The following TRIM4 variants were observed in gnomAD, a reference collection of about 807,000 sequenced individuals.
TRIM4 encodes the protein tripartite motif containing 4.
Under a neutral mutation model 33.7 loss-of-function variants are expected in TRIM4, and 29 were observed. The observed-to-expected ratio is 0.86, with a 90% CI of 0.64 to 1.17. TRIM4 has a LOEUF of 1.17. Among genes scored for constraint, TRIM4 ranks in the 50% most tolerant of loss-of-function variants. TRIM4 has a pLI of 0.00. For synonymous variants in TRIM4, 224 were observed against 233.0 expected, an observed-to-expected ratio of 0.96 and a Z score of 0.35; for missense variants, 554 against 593.7, an observed-to-expected ratio of 0.93 and a Z score of 0.69.
intron 1 of TRIM4, among the ~76,000 whole-genome samples, chr7:99,913,421 C>T (rs1436352608): frequency 6.6e-6 from 1 of 152,182 alleles, no homozygotes; most frequent in African/African-American, 2.4e-5. Context: ...GTAATCCCAG[C>T]ACTTTGGGAG....
At chr7:99,904,609 T>C (rs1017192105) in intron 3 of TRIM4, among the ~76,000 whole-genome samples, 1 of 152,176 alleles carries the variant, frequency 6.6e-6, no homozygotes, top group Non-Finnish European at 1.5e-5. Flanking sequence ...TAGGGGAAAC[T>C]GGGTGAAGGG....
In TRIM4 at chr7:99,909,157, T is replaced by TGC. The variant is rs1554452963; in HGVS notation, c.490-347_490-346dup. Among the ~76,000 whole-genome samples the TGC allele has an allele frequency of 3.2e-4, 48 of 150,832 alleles. 2 individuals are homozygous for TGC. The South Asian group carries it at 6.5e-3, about 20-fold the overall frequency. ...GGGTGTGTGTGTGTGTGTGTGTGTG[T>TGC]GCGTGTGTGTGTGCATCCATTCATC... On this transcript the variant is annotated intron_variant, in intron 2 of 5. Transcript: ENST00000349062.
rs1259289725 is a variant in TRIM4, at chr7:99,919,292, T to A, written c.110A>T (p.His37Leu). ...CGHNFCRGCL[H>L]RNWAPGGGPF... ...GCCGCCGCCCGGCGCCCAGTTGCGG[T>A]GCAGGCAGCCGCGGCAGAAGTTGTG... Residue 37 changes from histidine (H) to leucine (L), a missense_variant, in exon 1 of 6, where the codon CAC becomes CTC. Physicochemically the swap from His to Leu is moderately conservative, Grantham distance 99 (BLOSUM62 -3). This residue lies in a region of TRIM4 where 233 missense variants were observed against 203.1 expected (regional missense o/e 1.15). Transcript: ENST00000349062. The A allele has an allele frequency of 6.4e-7, 1 of 1,553,280 alleles. No homozygotes were observed. Among genetic ancestry groups the A allele is most frequent in the Admixed American group, 1.9e-5 (1 of 51,542 alleles).
intron 4 of TRIM4, 29 bp from the exon 5 acceptor site, chr7:99,903,344 G>A: frequency 1.3e-6 from 2 of 1,543,290 alleles, no homozygotes; most frequent in Non-Finnish European, 1.8e-6. Context: ...CTGCTCTTAG[G>A]GGACAACTAG....
chr7:99,899,584 T>C (rs555113938), intron 5 of TRIM4, among the ~76,000 whole-genome samples: 27 of 152,212 alleles, frequency 1.8e-4, no homozygotes, highest in Non-Finnish European at 3.5e-4. Flanking sequence ...TGTATCATAG[T>C]ATACTTTCAT....
chr7:99,919,478 G>A lies in TRIM4; in HGVS notation c.-77C>T, dbSNP rs1220711787. On this transcript the variant is annotated 5_prime_UTR_variant, in exon 1 of 6. Transcript: ENST00000349062. ...AGCAAGCTGCGAGCGGCCGCGGGGAGGCCAGACGACTTCCGAACCGCCGTC... is the reference window on the plus strand; with the variant it reads ...AGCAAGCTGCGAGCGGCCGCGGGGAAGCCAGACGACTTCCGAACCGCCGTC... 28 of 1,406,066 alleles carry A rather than the reference G, an allele frequency of 2.0e-5. No individual in the cohort carries two copies. The highest frequency in any genetic ancestry group is 2.3e-5 in the Non-Finnish European group (25 of 1,076,926). The allele number at this position is 1,406,066 out of a possible 1,614,324, so 87.1% of individuals were successfully genotyped here. A position where few individuals can be genotyped will look rare whatever the true frequency, so the allele number is the denominator to read the frequency against.
intron 1 of TRIM4, among the ~76,000 whole-genome samples, chr7:99,916,940 C>CCCATGCT (rs1819568112): frequency 1.3e-5 from 2 of 152,356 alleles, no homozygotes; most frequent in East Asian, 1.9e-4. Context: ...CATCCTCCTT[C>CCCATGCT]CCATGCTCCA....
chr7:99,904,097 T>C (rs906510106), intron 3 of TRIM4, among the ~76,000 whole-genome samples: 1 of 152,218 alleles, frequency 6.6e-6, no homozygotes, highest in Non-Finnish European at 1.5e-5. Flanking sequence ...GAGAAAAATA[T>C]AAATTTTCCC....
intron 3 of TRIM4, among the ~76,000 whole-genome samples, chr7:99,904,796 C>T (rs1007394809): frequency 1.3e-5 from 2 of 152,056 alleles, no homozygotes; most frequent in African/African-American, 4.8e-5. Context: ...CTTTGGGAGG[C>T]TTAGGTGGGT....
rs983251846 is a variant in TRIM4, at chr7:99,919,144, C to G, written c.258G>C (p.Leu86=). Residue 86 remains leucine (L), a synonymous_variant, in exon 1 of 6, where the codon CTG becomes CTC. Coordinates refer to ENST00000349062, the MANE Select transcript of TRIM4 (RefSeq NM_033091.3). ...RRRLGPVPPG[L]CGRHWEPLRL... is the part of the protein sequence containing the mutation. ...GCAGCGGCTCCCAGTGGCGGCCGCA[C>G]AGGCCCGGGGGCACGGGGCCCAGGC... The G allele has an allele frequency of 1.9e-5, 29 of 1,506,046 alleles. No homozygotes were observed. In the African/African-American group the frequency reaches 3.5e-4, roughly 18 times the overall value. 93.3% of individuals were successfully genotyped at this position (1,506,046 alleles called of 1,614,324 possible). A position where few individuals can be genotyped will look rare whatever the true frequency, so the allele number is the denominator to read the frequency against.
chr7:99,891,698 T>TA lies in TRIM4; in HGVS notation c.*464dup, dbSNP rs1393581980. 2 of 159,302 alleles carry TA rather than the reference T, an allele frequency of 1.3e-5. No individual in the cohort carries two copies. Among genetic ancestry groups the TA allele is most frequent in the Non-Finnish European group, 2.8e-5 (2 of 71,856 alleles). 9.9% of individuals were successfully genotyped at this position (159,302 alleles called of 1,614,324 possible). On this transcript the variant is annotated 3_prime_UTR_variant, in exon 6 of 6. Coordinates refer to ENST00000349062, the MANE Select transcript of TRIM4 (RefSeq NM_033091.3). ...TCACACTACGTCCCTTTAGTGCAGTTACGGTACTTCAGGCTGCAAGTAACC... is the reference window on the plus strand; with the variant it reads ...TCACACTACGTCCCTTTAGTGCAGTTAACGGTACTTCAGGCTGCAAGTAACC...
chr7:99,916,905 C>G, intron 1 of TRIM4: 1 of 681,726 alleles, frequency 1.5e-6, no homozygotes, highest in Non-Finnish European at 2.7e-6. Flanking sequence ...AAGGCCCTGC[C>G]TTTTTCTTCA....
intron 1 of TRIM4, among the ~76,000 whole-genome samples, chr7:99,913,440 G>A (rs956935771): frequency 7.9e-5 from 12 of 152,152 alleles, no homozygotes; most frequent in Middle Eastern, 3.4e-3. Context: ...AGGCCAAGGC[G>A]GGCAGATTAC....
chr7:99,891,692 T>G lies in TRIM4; in HGVS notation c.*471A>C, dbSNP rs2151639326. 6.3e-6 allele frequency: 1 copy of G among 158,534 alleles called. No individual in the cohort carries two copies. The highest frequency in any genetic ancestry group is 1.9e-4 in the East Asian group (1 of 5,332). The allele number at this position is 158,534 out of a possible 1,614,324, so 9.8% of individuals were successfully genotyped here. A position where few individuals can be genotyped will look rare whatever the true frequency, so the allele number is the denominator to read the frequency against. On this transcript the variant is annotated 3_prime_UTR_variant, in exon 6 of 6. Transcript: ENST00000349062. ...GGATGTTCACACTACGTCCCTTTAG[T>G]GCAGTTACGGTACTTCAGGCTGCAA...
intron 3 of TRIM4, among the ~76,000 whole-genome samples, chr7:99,907,464 T>C (rs1486763551): frequency 3.9e-5 from 6 of 152,264 alleles, no homozygotes; most frequent in Admixed American, 1.3e-4. Context: ...TTTGCTGATA[T>C]AATTTTTTGT....
At position 99,919,212 on chromosome 7, in the gene TRIM4, T is replaced by C. The variant is rs1819634183; in HGVS notation, c.190A>G (p.Asn64Asp). The change falls in exon 1 of 6, where the codon AAC (asparagine) becomes GAC (aspartate). Residue 64 changes from asparagine (N) to aspartate (D), a missense_variant. Coordinates refer to ENST00000349062, the MANE Select transcript of TRIM4 (RefSeq NM_033091.3). ...HPSAPAALRP[N>D]WALARLTEKT... Reference sequence around the variant, plus strand: ...TCAGTCAGCCTGGCCAGGGCCCAGTTGGGTCGCAGCGCGGCGGGCGCCGAT... The same window carrying C: ...TCAGTCAGCCTGGCCAGGGCCCAGTCGGGTCGCAGCGCGGCGGGCGCCGAT... 3 of 1,515,442 alleles carry C rather than the reference T, an allele frequency of 2.0e-6. No individual in the cohort carries two copies. The highest frequency in any genetic ancestry group is 1.3e-5 in the South Asian group (1 of 79,424). 93.9% of individuals were successfully genotyped at this position (1,515,442 alleles called of 1,614,324 possible).
intron 5 of TRIM4, chr7:99,902,043 C>A: frequency 1.3e-6 from 1 of 749,320 alleles, no homozygotes; most frequent in Non-Finnish European, 2.4e-6. Context: ...GAGGGTAGGG[C>A]AATCATAGGC....
At chr7:99,896,623 T>C (rs1195255070) in intron 5 of TRIM4, among the ~76,000 whole-genome samples, 1 of 152,100 alleles carries the variant, frequency 6.6e-6, no homozygotes, top group Admixed American at 6.5e-5. Flanking sequence ...TCAATAGGGG[T>C]CTAGCACAAC....
At chr7:99,901,288 C>T (rs1265112860) in intron 5 of TRIM4, 1 of 152,200 alleles carries the variant, frequency 6.6e-6, no homozygotes, top group African/African-American at 2.4e-5. Context: ...AAACTTTGAT[C>T]TGGTCTCTAT....
Sources: gnomAD v4.1 joint callset for allele counts (sites outside exome capture counted in the v4.1 genomes callset) on GRCh38, gnomAD v4.1.1 for gene constraint, gnomAD v4.1.1 regional missense constraint, MANE v1.5 for transcripts, NCBI Gene and HGNC (gene_info 2026-07-23, HGNC 2026-07-21) for gene names.